CDK8: variants seen among roughly 807,000 people sequenced by gnomAD.
CDK8 encodes the protein cyclin-dependent kinase 8.
A neutral mutation model predicts 71.5 loss-of-function variants in CDK8; 29 were observed. The ratio of observed to expected loss-of-function variants is 0.41; its 90% confidence interval spans 0.30 to 0.55. CDK8 has a LOEUF of 0.55. Among genes scored for constraint, CDK8 ranks in the 20% least tolerant of loss-of-function variants. The probability of loss-of-function intolerance (pLI) is 0.37; values close to 1 mark genes in which losing one functional copy is unlikely to be tolerated. For missense variants in CDK8, 288 were observed against 572.6 expected (o/e 0.50, Z 5.07); for synonymous variants, 161 against 192.1 (o/e 0.84, Z 1.34).
intron 1 of CDK8, among the ~76,000 whole-genome samples, chr13:26,267,046 C>T (rs1172400705): frequency 6.6e-6 from 1 of 152,140 alleles, no homozygotes; most frequent in Admixed American, 6.6e-5. Flanking sequence ...TATGATCTTA[C>T]ATTTTTTCAT....
Position 26,343,813 on chromosome 13 carries a change from A to G in CDK8, c.205-5259A>G, listed in dbSNP as rs572362554. On this transcript the variant is annotated intron_variant, in intron 2 of 12. Coordinates refer to ENST00000381527, the MANE Select transcript of CDK8 (RefSeq NM_001260.3). ...TAAACTTTTTTTCACTATTGTAATA[A>G]CACTTAAAATACACATTGTACACCT... Among the ~76,000 whole-genome samples, 3 of 152,302 alleles carry G rather than the reference A, an allele frequency of 2.0e-5. No individual in the cohort carries two copies. In the South Asian group the frequency reaches 6.2e-4, roughly 32 times the overall value.
intron 1 of CDK8, among the ~76,000 whole-genome samples, chr13:26,275,864 T>C (rs541179706): frequency 6.6e-6 from 1 of 152,282 alleles, no homozygotes; most frequent in South Asian, 2.1e-4. Context: ...GTTATTGCAT[T>C]GGCTCTAACT....
At chr13:26,262,993 C>G (rs1871841280) in intron 1 of CDK8, among the ~76,000 whole-genome samples, 1 of 152,188 alleles carries the variant, frequency 6.6e-6, no homozygotes, top group Non-Finnish European at 1.5e-5. Flanking sequence ...AGGGCCTACT[C>G]TGGGTGTTTC....
intron 1 of CDK8, among the ~76,000 whole-genome samples, chr13:26,330,316 C>G (rs1175716): frequency 1.3e-5 from 2 of 151,914 alleles, no homozygotes; most frequent in African/African-American, 2.4e-5. Flanking sequence ...AGTGATCCTC[C>G]TGCTTCGGCC....
At chr13:26,345,547 A>G (rs1873428523) in intron 2 of CDK8, among the ~76,000 whole-genome samples, 1 of 151,734 alleles carries the variant, frequency 6.6e-6, no homozygotes, top group Non-Finnish European at 1.5e-5. Flanking sequence ...ACGCCCAACA[A>G]ATTTTTTGTA....
In CDK8 at chr13:26,329,705, C is replaced by T. The variant is rs545589442; in HGVS notation, c.129-7862C>T. Among the ~76,000 whole-genome samples the T allele has an allele frequency of 1.1e-4, 16 of 152,006 alleles. No individual in the cohort carries two copies. In the South Asian group the frequency reaches 2.5e-3, roughly 24 times the overall value. ...TTTTTGTACAGACGGGGTTTTGCCA[C>T]GTTGGGCAGGCTGGTCTCAAACTCC... On this transcript the variant is annotated intron_variant, in intron 1 of 12. Coordinates refer to ENST00000381527, the MANE Select transcript of CDK8 (RefSeq NM_001260.3).
Position 26,254,701 on chromosome 13 carries a change from T to G in CDK8, c.60T>G (p.Phe20Leu), listed in dbSNP as rs1334309560. Residue 20 changes from phenylalanine to leucine, a missense_variant, in exon 1 of 13, where the codon TTT becomes TTG. Phe to Leu is a conservative substitution (Grantham distance 22). Transcript: ENST00000381527. The surrounding 1 kb of genome is among the most constrained non-coding windows in gnomAD (Gnocchi z 6.7). The stretch of plus-strand genomic sequence containing the variant: ...AGCGGGAGCGGGTCGAGGACCTGTT[T>G]GAATACGAGGGCTGCAAAGTTGGCC... ...SSERERVEDL[F>L]EYEGCKVGRG... The G allele has an allele frequency of 6.2e-7, 1 of 1,612,824 alleles. No homozygotes were observed. Among genetic ancestry groups the G allele is most frequent in the African/African-American group, 1.3e-5 (1 of 74,908 alleles).
intron 2 of CDK8, among the ~76,000 whole-genome samples, chr13:26,342,793 A>G (rs183653057): frequency 3.3e-4 from 51 of 152,346 alleles, no homozygotes; most frequent in African/African-American, 1.2e-3. Context: ...TACTTACTCT[A>G]CTGGTTTGCT....
chr13:26,399,134 C>T (rs539305761), intron 9 of CDK8, among the ~76,000 whole-genome samples: 4 of 151,828 alleles, frequency 2.6e-5, no homozygotes, highest in African/African-American at 7.2e-5. Context: ...CTCAGCCTCC[C>T]GAGTACCTGG....
chr13:26,322,698 C>T (rs1874830797), intron 1 of CDK8, among the ~76,000 whole-genome samples: 1 of 152,148 alleles, frequency 6.6e-6, no homozygotes, highest in Non-Finnish European at 1.5e-5. Context: ...AGTTTTGGTA[C>T]TTATCTGACT....
At chr13:26,344,258 G>A (rs1330482854) in intron 2 of CDK8, among the ~76,000 whole-genome samples, 1 of 152,076 alleles carries the variant, frequency 6.6e-6, no homozygotes, top group South Asian at 2.1e-4. Flanking sequence ...ATCATTCCGT[G>A]GTGTATATGT....
rs531813038 is a variant in CDK8, at chr13:26,274,610, T to C, written c.128+19841T>C. On this transcript the variant is annotated intron_variant, in intron 1 of 12. Coordinates refer to ENST00000381527, the MANE Select transcript of CDK8 (RefSeq NM_001260.3). Reference sequence around the variant, plus strand: ...CCACGCCTGGCTAATTTTTTGTATTTTTAGTAGAGATGGGGTTTCACGATG... The same window carrying C: ...CCACGCCTGGCTAATTTTTTGTATTCTTAGTAGAGATGGGGTTTCACGATG... Among the ~76,000 whole-genome samples the C allele has an allele frequency of 2.6e-5, 4 of 152,134 alleles. No individual in the cohort carries two copies. The South Asian group carries it at 6.2e-4, about 24-fold the overall frequency.
chr13:26,317,611 G>A lies in CDK8; in HGVS notation c.129-19956G>A, dbSNP rs1296996675. Among the ~76,000 whole-genome samples, 4 of 152,134 alleles carry A rather than the reference G, an allele frequency of 2.6e-5. No individual in the cohort carries two copies. In the South Asian group the frequency reaches 8.3e-4, roughly 31 times the overall value. On this transcript the variant is annotated intron_variant, in intron 1 of 12. Transcript: ENST00000381527. ...AAGTGTATTCTCCAGCCACAATGGG[G>A]TAAAGTTAGAAATGAGAGACAGAAG...
intron 1 of CDK8, among the ~76,000 whole-genome samples, chr13:26,318,445 A>C (rs528254305): frequency 1.3e-5 from 2 of 152,314 alleles, no homozygotes; most frequent in East Asian, 3.9e-4. Context: ...GTATGAGGCC[A>C]GCATTACCCC....
intron 1 of CDK8, among the ~76,000 whole-genome samples, chr13:26,326,975 T>C (rs1875048355): frequency 6.6e-6 from 1 of 152,192 alleles, no homozygotes; most frequent in South Asian, 2.1e-4. Flanking sequence ...GGATTAGACA[T>C]ATTATGAATA....
intron 1 of CDK8, among the ~76,000 whole-genome samples, chr13:26,281,033 A>G (rs1872724459): frequency 6.6e-6 from 1 of 152,264 alleles, no homozygotes; most frequent in African/African-American, 2.4e-5. Flanking sequence ...CTGGAGGCCA[A>G]CCACAATATT....
intron 1 of CDK8, among the ~76,000 whole-genome samples, chr13:26,304,371 A>G (rs923490313): frequency 6.6e-6 from 1 of 151,836 alleles, no homozygotes; most frequent in Admixed American, 6.6e-5. Flanking sequence ...TATTTTACCT[A>G]GTATTTCATT....
intron 4 of CDK8, among the ~76,000 whole-genome samples, chr13:26,377,450 TTACTA>T (rs1418373668): frequency 5.9e-5 from 9 of 152,370 alleles, no homozygotes; most frequent in South Asian, 2.1e-4. Flanking sequence ...CTTGAACTGT[TTACTA>T]TAGAGAATGA....
At chr13:26,373,219 C>A (rs141081538) in intron 4 of CDK8, among the ~76,000 whole-genome samples, 5 of 152,086 alleles carry the variant, frequency 3.3e-5, no homozygotes, top group Admixed American at 1.3e-4. Context: ...CTTTTTCTTT[C>A]ATTGTACTAA....
Sources: gnomAD v4.1 joint callset for allele counts (sites outside exome capture counted in the v4.1 genomes callset) on GRCh38, gnomAD v4.1.1 for gene constraint, Gnocchi (gnomAD v3.1) non-coding constraint, MANE v1.5 for transcripts, NCBI Gene and HGNC (gene_info 2026-07-23, HGNC 2026-07-21) for gene names.